Variants in HERC2 observed in about 807,000 individuals in gnomAD.
HERC2 encodes the protein E3 ubiquitin-protein ligase HERC2.
Under a neutral mutation model 537.7 loss-of-function variants are expected in HERC2, and 102 were observed. The ratio of observed to expected loss-of-function variants is 0.19; its 90% CI spans 0.16 to 0.22. The LOEUF (loss-of-function observed/expected upper bound fraction) is 0.22, where lower values mean the gene tolerates loss of function less well. Among genes scored for constraint, HERC2 ranks in the 10% least tolerant of loss-of-function variants. HERC2 has a pLI of 1.00. For missense variants in HERC2, 4,236 were observed against 6,198.2 expected (o/e 0.68, Z 10.63); for synonymous variants, 2,224 against 2,466.2 (o/e 0.90, Z 2.91).
At chr15:28,125,379 A>C (rs1889367337) in intron 83 of HERC2, among the ~76,000 whole-genome samples, 186 bp from the exon 84 acceptor site, 1 of 152,178 alleles carries the variant, frequency 6.6e-6, no homozygotes, top group African/African-American at 2.4e-5. Context: ...ACATGAATAC[A>C]TGCTAATTAC....
chr15:28,145,550 T>C (rs552334215), intron 71 of HERC2, among the ~76,000 whole-genome samples: 35 of 152,338 alleles, frequency 2.3e-4, no homozygotes, highest in African/African-American at 8.4e-4. Context: ...ATGCAAAGCT[T>C]TACTTAACTA....
intron 16 of HERC2, 69 bp downstream of exon 16, chr15:28,260,708 A>G: frequency 7.8e-7 from 1 of 1,288,852 alleles, no homozygotes; most frequent in Non-Finnish European, 1.1e-6. Flanking sequence ...GGTATTTTCT[A>G]CATACTGGTA....
chr15:28,125,657 A>G (rs1182750513), intron 83 of HERC2, among the ~76,000 whole-genome samples: 1 of 152,176 alleles, frequency 6.6e-6, no homozygotes, highest in Admixed American at 6.5e-5. Context: ...AGAAAAGAAA[A>G]AGTCTGTTTT....
intron 5 of HERC2, among the ~76,000 whole-genome samples, chr15:28,275,407 C>T (rs981447398): frequency 1.3e-5 from 2 of 152,220 alleles, no homozygotes; most frequent in African/African-American, 2.4e-5. Flanking sequence ...TAGCCTGGCT[C>T]GCCCCAGCTC....
chr15:28,168,519 G>A lies in HERC2; in HGVS notation c.10301C>T (p.Ala3434Val), dbSNP rs745417857. 14 of 1,614,072 alleles carry A rather than the reference G, an allele frequency of 8.7e-6. No individual in the cohort carries two copies. The highest frequency in any genetic ancestry group is 2.2e-5 in the East Asian group (1 of 44,886). Reference protein sequence around the residue: ...APVECPSFSSAAPSDASAMAS... With the variant: ...APVECPSFSSVAPSDASAMAS... ...CATCGCAGATGCGTCGGAAGGGGCC[G>A]CCGAGGAGAACGAGGGGCACTCCAC... Residue 3434 changes from alanine to valine, a missense_variant, in exon 67 of 93, where the codon GCG becomes GTG. Ala to Val is a moderately conservative substitution (Grantham distance 64). Coordinates refer to ENST00000261609, the MANE Select transcript of HERC2 (RefSeq NM_004667.6).
intron 82 of HERC2, 85 bp downstream of exon 82, chr15:28,130,418 T>C (rs1889985169): frequency 1.9e-6 from 3 of 1,584,208 alleles, no homozygotes; most frequent in Non-Finnish European, 2.6e-6. Flanking sequence ...CTGCAGAAGC[T>C]ACATTCCCAT....
At chr15:28,132,371 C>CCTG in intron 80 of HERC2, 110 bp from the exon 81 acceptor site, 1 of 1,068,498 alleles carries the variant, frequency 9.4e-7, no homozygotes, top group South Asian at 1.9e-5. Flanking sequence ...TGTTTTAAGC[C>CCTG]TTTACAAAGA....
At chr15:28,270,200 T>C (rs1038462851) in intron 10 of HERC2, among the ~76,000 whole-genome samples, 26 of 152,028 alleles carry the variant, frequency 1.7e-4, no homozygotes, top group African/African-American at 5.8e-4. Flanking sequence ...TTTTTATTTA[T>C]TTATAGATAG....
At chr15:28,165,422 A>T (rs1894028741) in intron 68 of HERC2, among the ~76,000 whole-genome samples, 1 of 152,190 alleles carries the variant, frequency 6.6e-6, no homozygotes, top group Non-Finnish European at 1.5e-5. Context: ...AACTAGAATG[A>T]ATCTTAGTTG....
intron 57 of HERC2, among the ~76,000 whole-genome samples, chr15:28,180,606 A>C (rs376016673): frequency 5.3e-5 from 8 of 152,342 alleles, no homozygotes; most frequent in African/African-American, 1.9e-4. Context: ...ATGAGGGTTC[A>C]TGAAGCTATT....
intron 2 of HERC2, among the ~76,000 whole-genome samples, chr15:28,304,796 GTGT>G (rs2076736993): frequency 7.4e-6 from 1 of 134,448 alleles, no homozygotes; most frequent in Non-Finnish European, 1.6e-5. Context: ...TGCCATGCTG[GTGT>G]GCTGCACCCA....
intron 45 of HERC2, among the ~76,000 whole-genome samples, chr15:28,204,933 A>T (rs574295150): frequency 6.6e-6 from 1 of 152,308 alleles, no homozygotes; most frequent in South Asian, 2.1e-4. Context: ...AGGCAGGGGG[A>T]AAAAACAATA....
Position 28,141,743 on chromosome 15 carries a change from T to C in HERC2, c.11804A>G (p.Gln3935Arg). The C allele has an allele frequency of 6.2e-7, 1 of 1,614,068 alleles. No homozygotes were observed. The highest frequency in any genetic ancestry group is 8.5e-7 in the Non-Finnish European group (1 of 1,179,896). ...FKREQDEQLV[Q>R]WMNRRPDDWT... Reference sequence around the variant, plus strand: ...CTAATATAATAACCTGTTCATCCACTGCACAAGTTGTTCGTCTTGCTCTCT... The same window carrying C: ...CTAATATAATAACCTGTTCATCCACCGCACAAGTTGTTCGTCTTGCTCTCT... Residue 3935 changes from glutamine to arginine, a missense_variant, in exon 77 of 93, where the codon CAG becomes CGG. Coordinates refer to ENST00000261609, the MANE Select transcript of HERC2 (RefSeq NM_004667.6).
intron 92 of HERC2, among the ~76,000 whole-genome samples, chr15:28,112,305 G>A (rs1312793140): frequency 6.6e-6 from 1 of 152,128 alleles, no homozygotes; most frequent in African/African-American, 2.4e-5. Context: ...TGGATGCGGG[G>A]CGGCCTGGCT....
rs759245537 is a variant in HERC2 at position 28,228,447 on chromosome 15, G to A, written c.5273-38C>T. ...GGCACCTACTGACATTTCTTGTGAT[G>A]GATACAAGAATAAACGTAACGCAGA... is the stretch of plus-strand genomic sequence containing the variant. On this transcript the variant is annotated intron_variant, in intron 34 of 92. Transcript: ENST00000261609. 5.7e-6 allele frequency: 9 copies of A among 1,569,818 alleles called. No individual in the cohort carries two copies. The South Asian group carries it at 1.0e-4, about 17-fold the overall frequency.
At chr15:28,217,992 G>A (rs1900113312) in intron 38 of HERC2, among the ~76,000 whole-genome samples, 1 of 151,970 alleles carries the variant, frequency 6.6e-6, no homozygotes, top group African/African-American at 2.4e-5. Flanking sequence ...CCAGTGTTAT[G>A]GGTTGAATTC....
intron 37 of HERC2, 106 bp downstream of exon 37, chr15:28,220,346 G>A (rs1900390435): frequency 6.1e-6 from 6 of 990,208 alleles, no homozygotes; most frequent in Non-Finnish European, 9.5e-6. Flanking sequence ...GCCAGCTGCA[G>A]GTGCGTCCTG....
At chr15:28,153,623 C>G (rs1004520004) in intron 69 of HERC2, among the ~76,000 whole-genome samples, 4 of 152,102 alleles carry the variant, frequency 2.6e-5, no homozygotes, top group African/African-American at 9.7e-5. Flanking sequence ...TGCACTCCAG[C>G]CTGAGCGACA....
rs761668487 is a variant in HERC2, at chr15:28,146,396, A to G, written c.10901-52T>C. ...AGCAACCACTCCAGATCAGCACCCA[A>G]AGTAGAAACAGTGAAACTAAAACCA... is the stretch of plus-strand genomic sequence containing the variant. On this transcript the variant is annotated intron_variant, in intron 70 of 92. Transcript: ENST00000261609. The G allele has an allele frequency of 2.4e-6, 3 of 1,233,468 alleles. No homozygotes were observed. The Admixed American group carries it at 5.2e-5, about 21-fold the overall frequency. 76.4% of individuals were successfully genotyped at this position (1,233,468 alleles called of 1,614,324 possible). A position where few individuals can be genotyped will look rare whatever the true frequency, so the allele number is the denominator to read the frequency against.
Sources: gnomAD v4.1 joint callset for allele counts (sites outside exome capture counted in the v4.1 genomes callset) on GRCh38, gnomAD v4.1.1 for gene constraint, MANE v1.5 for transcripts, NCBI Gene and HGNC (gene_info 2026-07-23, HGNC 2026-07-21) for gene names.